The following OPCML variants were observed in gnomAD, a reference collection of about 807,000 sequenced individuals.
OPCML encodes opioid-binding protein/cell adhesion molecule.
A neutral mutation model predicts 37.8 loss-of-function variants in OPCML; 13 were observed. The observed-to-expected ratio is 0.34, with a 90% confidence interval of 0.22 to 0.55. The LOEUF is 0.55. OPCML is among the 20% of genes least tolerant of loss of function. The pLI is 0.91. For synonymous variants in OPCML, 176 were observed against 168.8 expected (o/e 1.04, Z -0.33); for missense variants, 341 against 435.6 (o/e 0.78, Z 1.93).
intron 1 of OPCML, among the ~76,000 whole-genome samples, chr11:133,444,035 G>A (rs1946419803): frequency 6.6e-6 from 1 of 152,132 alleles, no homozygotes; most frequent in Admixed American, 6.5e-5. Context: ...AAGATCAGAA[G>A]GATTACAGCA....
chr11:132,781,401 A>G (rs914898226), intron 2 of OPCML, among the ~76,000 whole-genome samples: 4 of 151,918 alleles, frequency 2.6e-5, no homozygotes, highest in African/African-American at 9.7e-5. Flanking sequence ...CTTGAACTAA[A>G]ACATTAGCCC....
At chr11:132,624,889 C>G (rs1472934398) in intron 3 of OPCML, among the ~76,000 whole-genome samples, 3 of 152,094 alleles carry the variant, frequency 2.0e-5, no homozygotes, top group Non-Finnish European at 4.4e-5. Context: ...AACAGGACAT[C>G]CAGTTAAATT....
chr11:132,849,867 C>A (rs1320470677), intron 2 of OPCML, among the ~76,000 whole-genome samples: 2 of 152,152 alleles, frequency 1.3e-5, no homozygotes. Context: ...CCTCATGGGC[C>A]AAGTGCAGAC....
At chr11:132,676,721 A>C (rs1942719542) in intron 2 of OPCML, among the ~76,000 whole-genome samples, 1 of 151,302 alleles carries the variant, frequency 6.6e-6, no homozygotes, top group Non-Finnish European at 1.5e-5. Flanking sequence ...TAAAGCCTTA[A>C]TAAAATACCA....
At chr11:132,897,646 C>T (rs1301885365) in intron 2 of OPCML, among the ~76,000 whole-genome samples, 3 of 152,164 alleles carry the variant, frequency 2.0e-5, no homozygotes, top group Non-Finnish European at 2.9e-5. Context: ...TGGACAGCTG[C>T]AGCACCTCAG....
chr11:132,434,908 AG>A (rs1182154822), intron 7 of OPCML, among the ~76,000 whole-genome samples: 1 of 152,180 alleles, frequency 6.6e-6, no homozygotes, highest in Non-Finnish European at 1.5e-5. Context: ...ACCAAATATA[AG>A]GTTCTTGTTT....
chr11:133,014,532 A>T (rs1947283133), intron 1 of OPCML, among the ~76,000 whole-genome samples: 1 of 152,216 alleles, frequency 6.6e-6, no homozygotes, highest in Non-Finnish European at 1.5e-5. Flanking sequence ...TCACTCAAGT[A>T]TCACTAGCCA....
rs1938534192 is a variant in OPCML, at chr11:133,196,280, C to G, written c.62-253270G>C. ...AGGTGTTATTAGTGGATTTCTCAAA[C>G]ACGTTGGTGATTTTAATGTCAGTTT... is the stretch of plus-strand genomic sequence containing the variant. On this transcript the variant is annotated intron_variant, in intron 1 of 7. Transcript: ENST00000524381. 1.3e-5 allele frequency among the ~76,000 whole-genome samples: 2 copies of G among 152,216 alleles called. 1 individual carries two copies. The highest frequency in any genetic ancestry group is 4.1e-4 in the South Asian group (2 of 4,828).
At chr11:132,929,577 C>T (rs577523987) in intron 2 of OPCML, among the ~76,000 whole-genome samples, 1 of 152,234 alleles carries the variant, frequency 6.6e-6, no homozygotes, top group East Asian at 1.9e-4. Context: ...ATAACAAAAT[C>T]AGACGAAGAC....
At chr11:132,450,241 T>C (rs2096065197) in intron 4 of OPCML, among the ~76,000 whole-genome samples, 2 of 152,192 alleles carry the variant, frequency 1.3e-5, no homozygotes. Flanking sequence ...CAAATTAGTT[T>C]ATCAGTTTTG....
intron 1 of OPCML, among the ~76,000 whole-genome samples, chr11:133,140,757 A>AC (rs1565467821): frequency 7.9e-5 from 5 of 62,938 alleles, no homozygotes; most frequent in Non-Finnish European, 1.5e-4. Flanking sequence ...AGGAAGAAGA[A>AC]GACGACGAAG....
Position 133,201,669 on chromosome 11 carries a change from G to A in OPCML, c.62-258659C>T, listed in dbSNP as rs78441970. Among the ~76,000 whole-genome samples the A allele has an allele frequency of 3.4e-3, 512 of 152,252 alleles. 3 individuals are homozygous for A. Among genetic ancestry groups the A allele is most frequent in the Middle Eastern group, 0.01 (3 of 294 alleles). ...AAATGAAGGAGAGGAGAAAAAGATG[G>A]GATTTTCTGGAATTCCAGAGAGTTG... On this transcript the variant is annotated intron_variant, in intron 1 of 7. Coordinates refer to ENST00000524381, the MANE Select transcript of OPCML (RefSeq NM_001012393.5).
At chr11:132,647,768 G>A (rs1196886630) in intron 3 of OPCML, among the ~76,000 whole-genome samples, 6 of 152,118 alleles carry the variant, frequency 3.9e-5, no homozygotes, top group Admixed American at 3.9e-4. Flanking sequence ...GAACTGCATG[G>A]TTCAGACTCA....
At chr11:132,673,844 T>A (rs1204913905) in intron 2 of OPCML, among the ~76,000 whole-genome samples, 1 of 152,146 alleles carries the variant, frequency 6.6e-6, no homozygotes, top group Non-Finnish European at 1.5e-5. Context: ...CTAGACAGCA[T>A]GAATCCAAAG....
chr11:132,965,756 C>T (rs764019981), intron 1 of OPCML, among the ~76,000 whole-genome samples: 7 of 152,166 alleles, frequency 4.6e-5, no homozygotes, highest in Non-Finnish European at 7.4e-5. Flanking sequence ...TGGTCTCCAC[C>T]TCTGAACCTT....
intron 1 of OPCML, among the ~76,000 whole-genome samples, chr11:133,119,187 G>A (rs1949383359): frequency 6.6e-6 from 1 of 152,024 alleles, no homozygotes; most frequent in Non-Finnish European, 1.5e-5. Context: ...AAACATACTG[G>A]CCAGGAGACT....
chr11:132,464,767 ACTT>A (rs1294410244), intron 4 of OPCML, among the ~76,000 whole-genome samples: 1 of 151,990 alleles, frequency 6.6e-6, no homozygotes, highest in East Asian at 1.9e-4. Flanking sequence ...TTTTTTCTTT[ACTT>A]CTTTTCACAC....
At chr11:132,847,737 T>C (rs1423924741) in intron 2 of OPCML, among the ~76,000 whole-genome samples, 1 of 152,212 alleles carries the variant, frequency 6.6e-6, no homozygotes. Flanking sequence ...GAGGATTCTG[T>C]TTCTCTTTTT....
rs548523947 is a variant in OPCML, at chr11:132,482,614, C to T, written c.506-45255G>A. Among the ~76,000 whole-genome samples, 340 of 152,164 alleles carry T rather than the reference C, an allele frequency of 2.2e-3. 1 individual carries two copies. Among genetic ancestry groups the T allele is most frequent in the East Asian group, 0.013 (66 of 5,186 alleles). On this transcript the variant is annotated intron_variant, in intron 4 of 7. Transcript: ENST00000524381. ...ATACCAAAGCTGGGCAGAGACACAA[C>T]CAAAAAAGAGAATTTTAGACCAATA...
Sources: gnomAD v4.1 joint callset for allele counts (sites outside exome capture counted in the v4.1 genomes callset) on GRCh38, gnomAD v4.1.1 for gene constraint, MANE v1.5 for transcripts, NCBI Gene and HGNC (gene_info 2026-07-23, HGNC 2026-07-21) for gene names.